The following HOXA10 variants were observed in gnomAD, a reference collection of about 807,000 sequenced individuals.
HOXA10 encodes homeobox A10.
A neutral mutation model predicts 29.7 loss-of-function variants in HOXA10; 12 were observed. That is an observed-to-expected ratio of 0.40 (90% CI 0.26 to 0.65). The LOEUF is 0.65. Among genes scored for constraint, HOXA10 ranks in the 30% least tolerant of loss-of-function variants. The pLI is 0.37. For missense variants in HOXA10, 656 were observed against 585.9 expected (o/e 1.12, Z -1.24); for synonymous variants, 327 against 280.7 (o/e 1.16, Z -1.65).
upstream of HOXA10, among the ~76,000 whole-genome samples, chr7:27,177,039 C>T (rs934941854): frequency 6.6e-6 from 1 of 152,200 alleles, no homozygotes; most frequent in East Asian, 1.9e-4. Flanking sequence ...GCAGACAGCT[C>T]AGGTCAGGGC....
upstream of HOXA10, among the ~76,000 whole-genome samples, chr7:27,177,361 GCA>G (rs1783671354): frequency 6.6e-6 from 1 of 152,108 alleles, no homozygotes; most frequent in Non-Finnish European, 1.5e-5. Context: ...CTCATGTATG[GCA>G]GCCCCTCTCT....
upstream of HOXA10, chr7:27,174,328 A>T: frequency 2.5e-6 from 4 of 1,597,286 alleles, no homozygotes; most frequent in Non-Finnish European, 3.4e-6. Context: ...AACATGCTGA[A>T]TACGATTAGC....
upstream of HOXA10, among the ~76,000 whole-genome samples, chr7:27,178,558 G>A (rs558490371): frequency 5.9e-5 from 9 of 152,322 alleles, no homozygotes; most frequent in East Asian, 1.5e-3. Context: ...AACTGGAGGC[G>A]GCTCTGGCAT....
At chr7:27,178,580 C>G (rs1403474902), upstream of HOXA10, among the ~76,000 whole-genome samples, 3 of 152,238 alleles carry the variant, frequency 2.0e-5, no homozygotes, top group Non-Finnish European at 2.9e-5. Context: ...GTAGGGAGGG[C>G]TCCCGCTGCA....
Position 27,171,992 on chromosome 7 carries a change from C to A in HOXA10, c.1140G>T (p.Val380=), listed in dbSNP as rs1005623764. The change falls in exon 2 of 2, where the codon GTG becomes GTT. Residue 380 remains valine (V), a synonymous_variant. Transcript: ENST00000283921. ...TCCTGCGGTTCTGAAACCAGATTTT[C>A]ACTTGTCTGTCCGTGAGGTGGACGC... ...SRSVHLTDRQ[V]KIWFQNRRMK... 6.2e-7 allele frequency: 1 copy of A among 1,614,208 alleles called. No homozygotes were observed.
Position 27,173,329 on chromosome 7 carries a change from C to T in HOXA10, c.958+20G>A, listed in dbSNP as rs771116032. 3.7e-6 allele frequency: 6 copies of T among 1,611,210 alleles called. No homozygotes were observed. The highest frequency in any genetic ancestry group is 5.1e-6 in the Non-Finnish European group (6 of 1,179,618). ...TGCCTGTCTGCCCGCCTGACTGCAG[C>T]CCTCTGCAGCCCTGCTTACCCAGGG... On this transcript the variant is annotated intron_variant, in intron 1 of 1. Coordinates refer to ENST00000283921, the MANE Select transcript of HOXA10 (RefSeq NM_018951.4).
intron 1 of HOXA10, 33 bp downstream of exon 1, chr7:27,173,316 C>T (rs758965785): frequency 2.7e-5 from 44 of 1,610,118 alleles, no homozygotes; most frequent in Non-Finnish European, 3.6e-5. Flanking sequence ...CCTGTCTGCC[C>T]GCCTGACTGC....
At position 27,171,554 on chromosome 7, in the gene HOXA10, C is replaced by T; in HGVS notation, c.*345G>A. The T allele has an allele frequency of 2.1e-6, 1 of 483,138 alleles. No homozygotes were observed. Among genetic ancestry groups the T allele is most frequent in the South Asian group, 1.5e-5 (1 of 64,712 alleles). The allele number at this position is 483,138 out of a possible 1,614,324, so 29.9% of individuals were successfully genotyped here. On this transcript the variant is annotated 3_prime_UTR_variant, in exon 2 of 2. Transcript: ENST00000283921. ...GGTTTGCCCCAGGCTGGGCAGGAAA[C>T]CAGCTCGGCCGAAGACAGGGGCCAT...
chr7:27,172,666 G>C (rs536040270), intron 1 of HOXA10: 73 of 182,712 alleles, frequency 4.0e-4, no homozygotes, highest in African/African-American at 1.7e-3. Flanking sequence ...AATGGGGAAG[G>C]CAGGAAAAAC....
At position 27,173,631 on chromosome 7, in the gene HOXA10, A is replaced by G. The variant is rs1440865426; in HGVS notation, c.676T>C (p.Tyr226His). Residue 226 changes from tyrosine (Y) to histidine (H), a missense_variant, in exon 1 of 2, where the codon TAT becomes CAT. Coordinates refer to ENST00000283921, the MANE Select transcript of HOXA10 (RefSeq NM_018951.4). ...LSQAYGTAKG[Y>H]GSGGGGAQQL... ...TGCGCGCCGCCGCCGCCGCTGCCAT[A>G]GCCCTTGGCGGTGCCGTAGGCCTGA... The G allele has an allele frequency of 9.1e-6, 14 of 1,541,330 alleles. No individual in the cohort carries two copies. The highest frequency in any genetic ancestry group is 2.0e-5 in the Admixed American group (1 of 50,580).
chr7:27,176,078 C>G (rs544289940), upstream of HOXA10, among the ~76,000 whole-genome samples: 3 of 152,308 alleles, frequency 2.0e-5, no homozygotes, highest in South Asian at 6.2e-4. Context: ...ACCTCGGCGC[C>G]CCACGGTGAC....
chr7:27,171,640 A>G lies in HOXA10; in HGVS notation c.*259T>C. 1.6e-6 allele frequency: 1 copy of G among 630,038 alleles called. No homozygotes were observed. The highest frequency in any genetic ancestry group is 2.9e-6 in the Non-Finnish European group (1 of 340,838). The allele number at this position is 630,038 out of a possible 1,614,324, so 39.0% of individuals were successfully genotyped here. ...CCAGTCAGGACTTGACACTTAGGAC[A>G]ATATCTATCTCTATAGAATTTTAGC... On this transcript the variant is annotated 3_prime_UTR_variant, in exon 2 of 2. Coordinates refer to ENST00000283921, the MANE Select transcript of HOXA10 (RefSeq NM_018951.4).
At chr7:27,176,633 C>G (rs1330507812), upstream of HOXA10, among the ~76,000 whole-genome samples, 1 of 152,212 alleles carries the variant, frequency 6.6e-6, no homozygotes, top group Non-Finnish European at 1.5e-5. Flanking sequence ...GAGGTTTCCT[C>G]AAGGATAATG....
upstream of HOXA10, chr7:27,174,590 C>T (rs1783614249): frequency 3.9e-6 from 2 of 509,648 alleles, no homozygotes; most frequent in South Asian, 2.2e-5. Context: ...CTCGCCCCGC[C>T]CCTACCCGGA....
Position 27,171,832 on chromosome 7 carries a change from G to A in HOXA10, c.*67C>T, listed in dbSNP as rs73290334. On this transcript the variant is annotated 3_prime_UTR_variant, in exon 2 of 2. Transcript: ENST00000283921. Reference sequence around the variant, plus strand: ...CAGCACAGGTGCGAGTTCCTGGGCAGAGCCTGAAGACAGAGGGAGGGGACC... The same window carrying A: ...CAGCACAGGTGCGAGTTCCTGGGCAAAGCCTGAAGACAGAGGGAGGGGACC... 1.7e-3 allele frequency: 2,659 copies of A among 1,538,442 alleles called. 52 individuals carry two copies. In the African/African-American group the frequency reaches 0.033, roughly 19 times the overall value.
chr7:27,176,949 G>C (rs1285901916), upstream of HOXA10, among the ~76,000 whole-genome samples: 4 of 152,152 alleles, frequency 2.6e-5, no homozygotes, highest in African/African-American at 9.7e-5. Context: ...TCTTTTCCTT[G>C]GGTCTTCCAG....
chr7:27,177,356 GTA>G (rs1783671220), upstream of HOXA10, among the ~76,000 whole-genome samples: 1 of 152,218 alleles, frequency 6.6e-6, no homozygotes, highest in Non-Finnish European at 1.5e-5. Context: ...GTAAGCTCAT[GTA>G]TGGCAGCCCC....
Position 27,173,910 on chromosome 7 carries a change from G to T in HOXA10, c.397C>A (p.Pro133Thr). Reference sequence around the variant, plus strand: ...GGCTGCTGCTGGGGCGGCGGCGGCGGCCCGTCAGGCGGCTCCATCCGGCAA... The same window carrying T: ...GGCTGCTGCTGGGGCGGCGGCGGCGTCCCGTCAGGCGGCTCCATCCGGCAA... Reference protein sequence around the residue: ...RSCRMEPPDGPPPPPQQQPPP... With the variant: ...RSCRMEPPDGTPPPPQQQPPP... Residue 133 changes from proline (P) to threonine (T), a missense_variant, in exon 1 of 2, where the codon CCG (proline) becomes ACG (threonine). By Grantham distance (38) the Pro-to-Thr change is conservative. This residue lies in a region of HOXA10 where 594 missense variants were observed against 491.9 expected (regional missense o/e 1.21). Coordinates refer to ENST00000283921, the MANE Select transcript of HOXA10 (RefSeq NM_018951.4). The T allele has an allele frequency of 6.6e-7, 1 of 1,522,572 alleles. No homozygotes were observed. Among genetic ancestry groups the T allele is most frequent in the Non-Finnish European group, 8.8e-7 (1 of 1,137,178 alleles). 94.3% of individuals were successfully genotyped at this position (1,522,572 alleles called of 1,614,324 possible).
rs570159784 is a variant in HOXA10 at position 27,179,616 on chromosome 7, A to C, written c.10+30T>G. On this transcript the variant is annotated intron_variant, in intron 1 of 1. Coordinates refer to the HOXA10 transcript ENST00000396344. ...CACCTCCCCACTCCCGCCCCACCAG[A>C]CTGAAATTGCTAAACTTGTGGCCTC... 3.9e-6 allele frequency: 3 copies of C among 776,098 alleles called. No individual in the cohort carries two copies. In the South Asian group the frequency reaches 4.1e-5, roughly 11 times the overall value. 48.1% of individuals were successfully genotyped at this position (776,098 alleles called of 1,614,324 possible). A position where few individuals can be genotyped will look rare whatever the true frequency, so the allele number is the denominator to read the frequency against.
Sources: allele counts gnomAD v4.1 joint callset (sites outside exome capture counted in the v4.1 genomes callset), GRCh38; gene constraint gnomAD v4.1.1; regional missense constraint gnomAD v4.1.1; transcripts MANE v1.5; gene names NCBI Gene and HGNC (gene_info 2026-07-23, HGNC 2026-07-21).